Variants in NRG1 observed in about 807,000 individuals in gnomAD.
NRG1 encodes the protein pro-neuregulin-1, membrane-bound isoform.
In NRG1, 18 loss-of-function variants were observed where a neutral mutation model predicts 63.8. That is an observed-to-expected ratio of 0.28 (90% CI 0.19 to 0.42). The LOEUF is 0.42. Ranked by LOEUF, NRG1 falls within the 10% of genes least tolerant of loss-of-function variation. The pLI is 1.00. For synonymous variants in NRG1, 302 were observed against 301.3 expected, an observed-to-expected ratio of 1.00 and a Z score of -0.02; for missense variants, 762 against 814.7, an observed-to-expected ratio of 0.94 and a Z score of 0.79.
chr8:31,784,421 T>G (rs1256502368), intron 1 of NRG1, among the ~76,000 whole-genome samples: 3 of 152,038 alleles, frequency 2.0e-5, no homozygotes, highest in Non-Finnish European at 4.4e-5. Flanking sequence ...AAAAATACCC[T>G]AGGGTAAAGA....
chr8:32,048,907 G>A (rs933316741), intron 1 of NRG1, among the ~76,000 whole-genome samples: 2 of 151,848 alleles, frequency 1.3e-5, no homozygotes, highest in African/African-American at 4.8e-5. Context: ...TTTTCCCATA[G>A]GATAGATTTT....
intron 1 of NRG1, among the ~76,000 whole-genome samples, chr8:31,858,977 G>C (rs1294921462): frequency 6.6e-6 from 1 of 152,144 alleles, no homozygotes; most frequent in Admixed American, 6.5e-5. Context: ...TACTTTCCAG[G>C]AGTTCATCAA....
intron 5 of NRG1, among the ~76,000 whole-genome samples, chr8:32,696,125 C>G (rs1056592946): frequency 6.6e-6 from 1 of 152,168 alleles, no homozygotes; most frequent in African/African-American, 2.4e-5. Flanking sequence ...GAAGAGAGAG[C>G]TTCATGTCAC....
At chr8:32,718,082 C>T (rs1396144234) in intron 5 of NRG1, among the ~76,000 whole-genome samples, 3 of 152,110 alleles carry the variant, frequency 2.0e-5, no homozygotes, top group African/African-American at 7.2e-5. Flanking sequence ...TATCAACAGA[C>T]ACGTAGTCTA....
chr8:32,231,597 C>T (rs1586247082), intron 1 of NRG1, among the ~76,000 whole-genome samples: 1 of 152,128 alleles, frequency 6.6e-6, no homozygotes, highest in Admixed American at 6.5e-5. Flanking sequence ...TAATATGGCA[C>T]TTTAAATTAA....
chr8:31,709,071 A>C (rs576129615), intron 1 of NRG1, among the ~76,000 whole-genome samples: 4 of 151,920 alleles, frequency 2.6e-5, no homozygotes, highest in African/African-American at 9.6e-5. Context: ...TTTTATGTAT[A>C]TTTATTTTTT....
intron 1 of NRG1, among the ~76,000 whole-genome samples, chr8:32,285,353 T>C: frequency 6.6e-6 from 1 of 152,250 alleles, no homozygotes; most frequent in Non-Finnish European, 1.5e-5. Flanking sequence ...CTCTGAGTCA[T>C]GTTGACTACT....
chr8:31,705,168 C>A (rs182555240), intron 1 of NRG1, among the ~76,000 whole-genome samples: 17 of 151,958 alleles, frequency 1.1e-4, no homozygotes, highest in African/African-American at 3.9e-4. Flanking sequence ...TTCCGAGTAG[C>A]TGGAAGTACA....
chr8:32,511,004 C>A (rs1419933800), intron 1 of NRG1, among the ~76,000 whole-genome samples: 1 of 144,838 alleles, frequency 6.9e-6, no homozygotes, highest in Non-Finnish European at 1.5e-5. Context: ...TTTTCCATGC[C>A]ATACCCTGAA....
At chr8:32,420,151 GGAC>G (rs1816507546) in intron 1 of NRG1, among the ~76,000 whole-genome samples, 1 of 152,100 alleles carries the variant, frequency 6.6e-6, no homozygotes, top group Non-Finnish European at 1.5e-5. Context: ...CGTATGACAA[GGAC>G]TTTCAGTGTG....
At chr8:32,217,562 G>A (rs1845375494) in intron 1 of NRG1, among the ~76,000 whole-genome samples, 1 of 152,084 alleles carries the variant, frequency 6.6e-6, no homozygotes, top group African/African-American at 2.4e-5. Flanking sequence ...TCCTTTTTGA[G>A]TTAAAATACT....
intron 1 of NRG1, among the ~76,000 whole-genome samples, chr8:31,842,181 C>A (rs1826259092): frequency 6.6e-6 from 1 of 152,224 alleles, no homozygotes; most frequent in African/African-American, 2.4e-5. Flanking sequence ...AATTGTTGGA[C>A]AATTGCTCTT....
At chr8:31,787,678 G>C (rs1266291302) in intron 1 of NRG1, among the ~76,000 whole-genome samples, 4 of 152,108 alleles carry the variant, frequency 2.6e-5, no homozygotes, top group African/African-American at 9.7e-5. Context: ...TTCGTAATTA[G>C]AGAATAGTCT....
intron 5 of NRG1, among the ~76,000 whole-genome samples, chr8:32,650,314 C>A (rs1214975921): frequency 1.3e-5 from 2 of 152,004 alleles, no homozygotes; most frequent in Non-Finnish European, 2.9e-5. Context: ...CCAGTTTGAC[C>A]AGATGCACAG....
At chr8:32,546,330 CT>C, upstream of NRG1, among the ~76,000 whole-genome samples, 1 of 151,238 alleles carries the variant, frequency 6.6e-6, no homozygotes, top group African/African-American at 2.4e-5. Flanking sequence ...TGGGGAAAAT[CT>C]TATTTTTTAA....
chr8:32,407,437 C>T (rs1185142326), intron 1 of NRG1, among the ~76,000 whole-genome samples: 1 of 150,988 alleles, frequency 6.6e-6, no homozygotes, highest in East Asian at 1.9e-4. Context: ...GTGTAGGATC[C>T]ATTAGTCCTT....
intron 1 of NRG1, among the ~76,000 whole-genome samples, chr8:32,209,498 T>C (rs1046830863): frequency 7.2e-5 from 11 of 152,298 alleles, no homozygotes; most frequent in African/African-American, 2.2e-4. Flanking sequence ...TCAGTGTTGT[T>C]TGAATTTTCC....
chr8:32,282,512 A>T (rs546608564), intron 1 of NRG1, among the ~76,000 whole-genome samples: 15 of 152,144 alleles, frequency 9.9e-5, no homozygotes, highest in Non-Finnish European at 1.9e-4. Context: ...TGGTTCAGAG[A>T]GAGCTAATTT....
chr8:32,501,298 G>A, intron 1 of NRG1, among the ~76,000 whole-genome samples: 1 of 152,176 alleles, frequency 6.6e-6, no homozygotes, highest in East Asian at 1.9e-4. Flanking sequence ...CAAGGGCATT[G>A]ACAGATTTCT....
Sources: gnomAD v4.1 joint callset for allele counts (sites outside exome capture counted in the v4.1 genomes callset) on GRCh38, gnomAD v4.1.1 for gene constraint, MANE v1.5 for transcripts, NCBI Gene and HGNC (gene_info 2026-07-23, HGNC 2026-07-21) for gene names.